The following ELAVL4 variants were observed in gnomAD, a reference collection of about 807,000 sequenced individuals.
ELAVL4 encodes ELAV-like protein 4.
In ELAVL4, 1 loss-of-function variant was observed where a neutral mutation model predicts 35.6. The observed-to-expected ratio is 0.03, with a 90% CI of 0.01 to 0.13. The LOEUF (loss-of-function observed/expected upper bound fraction) is 0.13, where lower values mean the gene tolerates loss of function less well. Ranked by LOEUF, ELAVL4 falls within the 10% of genes least tolerant of loss-of-function variation. ELAVL4 has a pLI of 1.00. For missense variants in ELAVL4, 267 were observed against 464.9 expected (o/e 0.57, Z 3.91); for synonymous variants, 156 against 171.0 (o/e 0.91, Z 0.69).
At chr1:50,157,229 T>C (rs1675924066) in intron 2 of ELAVL4, among the ~76,000 whole-genome samples, 1 of 152,136 alleles carries the variant, frequency 6.6e-6, no homozygotes, top group Non-Finnish European at 1.5e-5. Flanking sequence ...CTATGGGACT[T>C]TTGGTGGATC....
Position 50,070,746 on chromosome 1 carries a change from A to G in ELAVL4, c.18+22564A>G, listed in dbSNP as rs537772257. Reference sequence around the variant, plus strand: ...ACAGAGTGAGACTCCATCTCAAAAAAAAAAAAAAAAAAAAGCCACTACTAA... The same window carrying G: ...ACAGAGTGAGACTCCATCTCAAAAAGAAAAAAAAAAAAAAGCCACTACTAA... On this transcript the variant is annotated intron_variant, in intron 1 of 6. Coordinates refer to the ELAVL4 transcript ENST00000448907. 8.6e-5 allele frequency among the ~76,000 whole-genome samples: 13 copies of G among 151,682 alleles called. No individual in the cohort carries two copies. In the East Asian group the frequency reaches 2.5e-3, roughly 29 times the overall value.
At chr1:50,177,254 C>T in intron 3 of ELAVL4, 62 bp downstream of exon 3, 1 of 1,314,200 alleles carries the variant, frequency 7.6e-7, no homozygotes, top group Non-Finnish European at 1.1e-6. Context: ...TTCTGTTGAT[C>T]TGGTAAATCC....
At chr1:50,051,629 G>A (rs1663389701) in intron 1 of ELAVL4, among the ~76,000 whole-genome samples, 1 of 152,124 alleles carries the variant, frequency 6.6e-6, no homozygotes. Context: ...TCAGTTATCT[G>A]GATATCTTAC....
At chr1:50,167,517 C>G (rs1485003097) in intron 2 of ELAVL4, among the ~76,000 whole-genome samples, 5 of 152,128 alleles carry the variant, frequency 3.3e-5, no homozygotes, top group Non-Finnish European at 1.5e-5. Context: ...AACCTGCCAC[C>G]AGGTAGCCGG....
intron 2 of ELAVL4, among the ~76,000 whole-genome samples, chr1:50,170,267 G>GA (rs1202250049): frequency 6.6e-6 from 1 of 152,108 alleles, no homozygotes. Flanking sequence ...TTAACCCCTT[G>GA]AAAAAAGTAA....
At chr1:50,058,834 G>A (rs1037843026) in intron 1 of ELAVL4, among the ~76,000 whole-genome samples, 2 of 151,894 alleles carry the variant, frequency 1.3e-5, no homozygotes, top group Non-Finnish European at 2.9e-5. Context: ...AAACTCCTGG[G>A]CTCAAGCAAT....
At chr1:50,139,205 G>C (rs1672408667) in intron 1 of ELAVL4, among the ~76,000 whole-genome samples, 1 of 152,152 alleles carries the variant, frequency 6.6e-6, no homozygotes, top group South Asian at 2.1e-4. Context: ...GGACATGTAA[G>C]GACTTTCATT....
At chr1:50,068,177 G>A (rs1415731682) in intron 1 of ELAVL4, among the ~76,000 whole-genome samples, 1 of 152,156 alleles carries the variant, frequency 6.6e-6, no homozygotes, top group African/African-American at 2.4e-5. Flanking sequence ...AGGGGAACTT[G>A]TTTTTCAGTA....
intron 1 of ELAVL4, among the ~76,000 whole-genome samples, chr1:50,129,152 G>A (rs1483867825): frequency 1.3e-5 from 2 of 151,978 alleles, no homozygotes; most frequent in African/African-American, 4.8e-5. Context: ...CTTTGTAAGA[G>A]TCTCATTTCT....
chr1:50,189,917 G>A (rs1557857975), intron 3 of ELAVL4, among the ~76,000 whole-genome samples: 2 of 152,230 alleles, frequency 1.3e-5, no homozygotes, highest in East Asian at 1.9e-4. Context: ...TCATAAGCAT[G>A]ATGCTATAGC....
chr1:50,101,848 T>C (rs1665994412), upstream of ELAVL4, among the ~76,000 whole-genome samples: 1 of 152,200 alleles, frequency 6.6e-6, no homozygotes, highest in Admixed American at 6.5e-5. Flanking sequence ...AAAACACATT[T>C]CTAGAAGTAT....
At chr1:50,135,535 A>G (rs1447498216) in intron 1 of ELAVL4, among the ~76,000 whole-genome samples, 1 of 152,158 alleles carries the variant, frequency 6.6e-6, no homozygotes, top group Admixed American at 6.6e-5. Flanking sequence ...AACCCTCTAC[A>G]GGGAGGGACC....
At position 50,109,097 on chromosome 1, in the gene ELAVL4, C is replaced by A; in HGVS notation, c.-93C>A. ...TTTGTGGATCTTTAATTATATATAACAATAGTAGTCATTTTAAATATATAT... is the reference window on the plus strand; with the variant it reads ...TTTGTGGATCTTTAATTATATATAAAAATAGTAGTCATTTTAAATATATAT... On this transcript the variant is annotated 5_prime_UTR_variant, in exon 1 of 7. Coordinates refer to ENST00000371824, the MANE Select transcript of ELAVL4 (RefSeq NM_001144774.3). 1 of 1,273,610 alleles carries A rather than the reference C, an allele frequency of 7.9e-7. No individual in the cohort carries two copies. The highest frequency in any genetic ancestry group is 1.0e-6 in the Non-Finnish European group (1 of 992,220). The allele number at this position is 1,273,610 out of a possible 1,614,324, so 78.9% of individuals were successfully genotyped here.
chr1:50,141,860 T>C (rs1672876274), intron 1 of ELAVL4: 2 of 152,242 alleles, frequency 1.3e-5, no homozygotes, highest in Non-Finnish European at 2.9e-5. Flanking sequence ...TACATGATGG[T>C]AAAGAATCTT....
chr1:50,116,130 A>G (rs569451813), intron 1 of ELAVL4, among the ~76,000 whole-genome samples: 1 of 152,266 alleles, frequency 6.6e-6, no homozygotes, highest in South Asian at 2.1e-4. Context: ...CTTCAGCCTC[A>G]GGAAGAAATA....
intron 1 of ELAVL4, among the ~76,000 whole-genome samples, chr1:50,056,148 G>T (rs751032598): frequency 6.6e-6 from 1 of 152,124 alleles, no homozygotes; most frequent in Non-Finnish European, 1.5e-5. Flanking sequence ...CTGGACAAAG[G>T]GTCATCTGGG....
intron 1 of ELAVL4, among the ~76,000 whole-genome samples, chr1:50,064,762 C>G (rs1420379515): frequency 6.6e-6 from 1 of 152,178 alleles, no homozygotes; most frequent in African/African-American, 2.4e-5. Context: ...TTCTCTCACT[C>G]CACTTTGAAC....
At chr1:50,165,638 A>G (rs1414231560) in intron 2 of ELAVL4, among the ~76,000 whole-genome samples, 1 of 148,184 alleles carries the variant, frequency 6.7e-6, no homozygotes, top group African/African-American at 2.5e-5. Flanking sequence ...AAATATATGT[A>G]TATAGGTATA....
intron 3 of ELAVL4, 34 bp downstream of exon 3, chr1:50,177,226 G>A (rs1333887946): frequency 9.1e-6 from 14 of 1,531,942 alleles, no homozygotes; most frequent in Non-Finnish European, 1.3e-5. Context: ...TGATTCAGGA[G>A]GCTCTGGTTA....
Sources: gnomAD v4.1 joint callset for allele counts (sites outside exome capture counted in the v4.1 genomes callset) on GRCh38, gnomAD v4.1.1 for gene constraint, MANE v1.5 for transcripts, NCBI Gene and HGNC (gene_info 2026-07-23, HGNC 2026-07-21) for gene names.